Variants in FAM20B observed in about 807,000 individuals in gnomAD.
The protein encoded by FAM20B is glycosaminoglycan xylosylkinase.
In FAM20B, 23 loss-of-function variants were observed where a neutral mutation model predicts 43.8. That is an observed-to-expected ratio of 0.53 (90% confidence interval 0.38 to 0.74). The LOEUF is 0.74. Among genes scored for constraint, FAM20B ranks in the 30% least tolerant of loss-of-function variants. The pLI, the probability that FAM20B is intolerant of heterozygous loss-of-function variation, is 0.00. For synonymous variants in FAM20B, 178 were observed against 192.4 expected (o/e 0.93, Z 0.62); for missense variants, 440 against 510.5 (o/e 0.86, Z 1.33).
chr1:179,044,381 A>T (rs190832883), intron 2 of FAM20B, among the ~76,000 whole-genome samples, 157 bp downstream of exon 2: 1 of 152,300 alleles, frequency 6.6e-6, no homozygotes, highest in Non-Finnish European at 1.5e-5. Flanking sequence ...ACTTAACATG[A>T]ATCTACCTTT....
intron 1 of FAM20B, among the ~76,000 whole-genome samples, chr1:179,036,876 G>A (rs1249782360): frequency 6.6e-6 from 1 of 152,210 alleles, no homozygotes; most frequent in East Asian, 1.9e-4. Context: ...CCTTGGAGAT[G>A]AGCCTTGAAA....
Position 179,044,068 on chromosome 1 carries a change from G to A in FAM20B, c.221G>A (p.Arg74Gln), listed in dbSNP as rs746216042. ...ATTGCAGCCCAGTGGGTGGTTCCCCGGGAAGTGTACCCTGAAGAGACACCA... is the reference window on the plus strand; with the variant it reads ...ATTGCAGCCCAGTGGGTGGTTCCCCAGGAAGTGTACCCTGAAGAGACACCA... ...WEIAAQWVVP[R>Q]EVYPEETPEL... The change falls in exon 2 of 8, where the codon CGG becomes CAG. Residue 74 changes from arginine to glutamine, a missense_variant. Coordinates refer to ENST00000263733, the MANE Select transcript of FAM20B (RefSeq NM_014864.4). 87 of 1,613,918 alleles carry A rather than the reference G, an allele frequency of 5.4e-5. No homozygotes were observed. The highest frequency in any genetic ancestry group is 2.4e-5 in the Non-Finnish European group (28 of 1,179,996).
chr1:179,045,671 G>A (rs56020329), intron 2 of FAM20B, among the ~76,000 whole-genome samples: 1,686 of 152,222 alleles, frequency 0.011, 32 homozygotes, highest in African/African-American at 0.038. Flanking sequence ...TGGGGAGGCC[G>A]AGGTGGGTGG....
chr1:179,075,274 A>T lies in FAM20B; in HGVS notation c.*3130A>T, dbSNP rs940011670. The T allele has an allele frequency of 6.6e-6, 1 of 152,248 alleles. No homozygotes were observed. The highest frequency in any genetic ancestry group is 2.1e-4 in the South Asian group (1 of 4,824). 9.4% of individuals were successfully genotyped at this position (152,248 alleles called of 1,614,324 possible). On this transcript the variant is annotated 3_prime_UTR_variant, in exon 8 of 8. Coordinates refer to ENST00000263733, the MANE Select transcript of FAM20B (RefSeq NM_014864.4). ...TTTATTAGAATCTAAGGCTGTTACA[A>T]TCAAGTCGTTGCAGGGTTTGGATCA... is the stretch of plus-strand genomic sequence containing the variant.
At chr1:179,064,861 A>G (rs1163987703) in intron 6 of FAM20B, among the ~76,000 whole-genome samples, 1 of 152,192 alleles carries the variant, frequency 6.6e-6, no homozygotes, top group African/African-American at 2.4e-5. Flanking sequence ...CGTTAAATTT[A>G]TTCTATCCAA....
intron 2 of FAM20B, among the ~76,000 whole-genome samples, chr1:179,048,401 TTCC>T (rs1173634507): frequency 6.6e-6 from 1 of 152,216 alleles, no homozygotes; most frequent in Non-Finnish European, 1.5e-5. Context: ...CCTCCATCTT[TTCC>T]TCTCCTGCCC....
intron 1 of FAM20B, among the ~76,000 whole-genome samples, chr1:179,041,972 A>C: frequency 6.6e-6 from 1 of 152,162 alleles, no homozygotes. Flanking sequence ...AGCCAACCTC[A>C]TGGCTCCTAG....
At chr1:179,024,031 A>G (rs1269395481), upstream of FAM20B, among the ~76,000 whole-genome samples, 7 of 152,146 alleles carry the variant, frequency 4.6e-5, no homozygotes, top group African/African-American at 1.7e-4. Context: ...GGCCTGGGTA[A>G]TGCAACATGG....
intron 1 of FAM20B, among the ~76,000 whole-genome samples, chr1:179,041,019 C>A (rs1311956941): frequency 6.8e-6 from 1 of 147,882 alleles, no homozygotes; most frequent in African/African-American, 2.6e-5. Flanking sequence ...AGACGATGGG[C>A]AGCCGGGCAG....
chr1:179,058,332 T>C (rs1470503412), intron 4 of FAM20B, among the ~76,000 whole-genome samples: 1 of 152,256 alleles, frequency 6.6e-6, no homozygotes, highest in African/African-American at 2.4e-5. Context: ...GTTTGCTCCC[T>C]GCCATCATAA....
chr1:179,035,810 T>TTGTG (rs372208617), intron 1 of FAM20B, among the ~76,000 whole-genome samples: 9 of 151,114 alleles, frequency 6.0e-5, no homozygotes, highest in East Asian at 1.9e-4. Context: ...ATGAGTGTGT[T>TTGTG]TGTGTGTGTG....
chr1:179,056,048 G>A (rs556153397), intron 4 of FAM20B, among the ~76,000 whole-genome samples: 1 of 152,246 alleles, frequency 6.6e-6, no homozygotes, highest in East Asian at 1.9e-4. Flanking sequence ...AATAACCGCT[G>A]CCCGTCACAT....
chr1:179,070,385 A>G (rs1055737915), intron 7 of FAM20B, among the ~76,000 whole-genome samples: 2 of 152,134 alleles, frequency 1.3e-5, no homozygotes, highest in African/African-American at 4.8e-5. Flanking sequence ...TTATTGGTTC[A>G]CAGTTCTGGA....
chr1:179,061,261 A>G (rs1389202887), intron 4 of FAM20B, among the ~76,000 whole-genome samples: 3 of 152,048 alleles, frequency 2.0e-5, no homozygotes, highest in Non-Finnish European at 4.4e-5. Flanking sequence ...TATTTTTAGT[A>G]GAGACAGGGT....
chr1:179,057,883 G>A (rs904503118), intron 4 of FAM20B, among the ~76,000 whole-genome samples: 5 of 152,054 alleles, frequency 3.3e-5, no homozygotes, highest in African/African-American at 9.7e-5. Context: ...GTGATAATTC[G>A]TGAAGGTGAT....
At chr1:179,021,400 G>C (rs1572519896), upstream of FAM20B, among the ~76,000 whole-genome samples, 1 of 152,172 alleles carries the variant, frequency 6.6e-6, no homozygotes, top group East Asian at 1.9e-4. Context: ...GTGGGAATTA[G>C]CAATCTGGAA....
At chr1:179,061,437 C>G (rs1211264954) in intron 4 of FAM20B, among the ~76,000 whole-genome samples, 1 of 152,002 alleles carries the variant, frequency 6.6e-6, no homozygotes, top group African/African-American at 2.4e-5. Flanking sequence ...CAGAGTCTCA[C>G]CCTGTCACCC....
At chr1:179,026,587 G>A (rs890029616) in intron 1 of FAM20B, among the ~76,000 whole-genome samples, 3 of 152,214 alleles carry the variant, frequency 2.0e-5, no homozygotes, top group Non-Finnish European at 4.4e-5. Flanking sequence ...CCTCGTGGCC[G>A]GGAAGCGCGA....
chr1:179,050,343 G>C lies in FAM20B; in HGVS notation c.442G>C (p.Val148Leu), dbSNP rs769437493. ...YAGYDRHNAE[V>L]AAFHLDRILG... ...TGGTTATGATAGACACAATGCAGAG[G>C]TAGCAGCCTTTCACTTGGACAGGTG... Residue 148 changes from valine (V) to leucine (L), a missense_variant, in exon 3 of 8, where the codon GTA becomes CTA. Physicochemically the swap from Val to Leu is conservative, Grantham distance 32. Transcript: ENST00000263733. 2.5e-6 allele frequency: 4 copies of C among 1,613,752 alleles called. No homozygotes were observed. The Admixed American group carries it at 6.7e-5, about 27-fold the overall frequency.
Sources: gnomAD v4.1 joint callset for allele counts (sites outside exome capture counted in the v4.1 genomes callset) on GRCh38, gnomAD v4.1.1 for gene constraint, MANE v1.5 for transcripts, NCBI Gene and HGNC (gene_info 2026-07-23, HGNC 2026-07-21) for gene names.